The following MIB1 variants were observed in gnomAD, a reference collection of about 807,000 sequenced individuals.
MIB1 encodes MIB E3 ubiquitin protein ligase 1.
A neutral mutation model predicts 124.5 loss-of-function variants in MIB1; 278 were observed. The ratio of observed to expected loss-of-function variants is 2.23; its 90% CI spans 2.02 to 2.47. The LOEUF is 2.47. MIB1 is among the 30% of genes most tolerant of loss of function. The pLI, the probability that MIB1 is intolerant of heterozygous loss-of-function variation, is 0.00. For synonymous variants in MIB1, 446 were observed against 429.4 expected (o/e 1.04, Z -0.48); for missense variants, 957 against 1,254.4 (o/e 0.76, Z 3.58).
chr18:21,732,490 G>A lies in MIB1; in HGVS notation n.167+27367G>A, dbSNP rs185326473. ...AGGCTTACTGCAACCTCCATCTCCT[G>A]GGCTTAAATGATCCTTCCACCTCAG... On this transcript the variant is annotated intron_variant and non_coding_transcript_variant, in intron 1 of 20. Transcript: ENST00000578646. Among the ~76,000 whole-genome samples the A allele has an allele frequency of 5.2e-4, 79 of 151,872 alleles. No individual in the cohort carries two copies. The Middle Eastern group carries it at 0.014, about 26-fold the overall frequency.
chr18:21,741,874 G>A lies in MIB1; in HGVS notation c.229+62G>A. 7.0e-7 allele frequency: 1 copy of A among 1,429,906 alleles called. No homozygotes were observed. Among genetic ancestry groups the A allele is most frequent in the Non-Finnish European group, 9.4e-7 (1 of 1,065,286 alleles). 88.6% of individuals were successfully genotyped at this position (1,429,906 alleles called of 1,614,324 possible). A position where few individuals can be genotyped will look rare whatever the true frequency, so the allele number is the denominator to read the frequency against. On this transcript the variant is annotated intron_variant, in intron 1 of 20. Transcript: ENST00000261537. The surrounding 1 kb of genome is among the most constrained non-coding windows in gnomAD (Gnocchi z 5.4). The stretch of plus-strand genomic sequence containing the variant: ...GGGGGGAAGGGGCGAGCTGCGGTGG[G>A]CGTCGGTGTCGCGGGGAGAGGTCTG...
rs1598649735 is a variant in MIB1 at position 21,865,269 on chromosome 18, CTT to C, written c.*605_*606del. ...GAAGCATAGAATGAGGGAATAATGA[CTT>C]TGCATTTCTCTTGTTTTCTAGATTC... On this transcript the variant is annotated 3_prime_UTR_variant, in exon 21 of 21. Coordinates refer to ENST00000261537, the MANE Select transcript of MIB1 (RefSeq NM_020774.4). 3.3e-5 allele frequency: 5 copies of C among 152,178 alleles called. No individual in the cohort carries two copies. The highest frequency in any genetic ancestry group is 4.8e-5 in the African/African-American group (2 of 41,542). 9.4% of individuals were successfully genotyped at this position (152,178 alleles called of 1,614,324 possible). A position where few individuals can be genotyped will look rare whatever the true frequency, so the allele number is the denominator to read the frequency against.
chr18:21,811,402 G>A (rs2041771836), intron 10 of MIB1, among the ~76,000 whole-genome samples: 1 of 152,202 alleles, frequency 6.6e-6, no homozygotes, highest in Admixed American at 6.5e-5. Flanking sequence ...AAGTCTTGAG[G>A]AGGTATTTGT....
In MIB1 at chr18:21,853,149, T is replaced by C; in HGVS notation, c.2596T>C (p.Cys866Arg). The change falls in exon 18 of 21, where the codon TGT becomes CGT. Residue 866 changes from cysteine to arginine, a missense_variant. By Grantham distance (180) the Cys-to-Arg change is radical. Transcript: ENST00000261537. The stretch of plus-strand genomic sequence containing the variant: ...ACCTCTTTTTCTATAGATTGAAGAA[T>C]GTGTGGTATGCTCTGACAAGAAAGC... Reference protein sequence around the residue: ...QVQSRTKIEECVVCSDKKAAV... With the variant: ...QVQSRTKIEERVVCSDKKAAV... The C allele has an allele frequency of 6.2e-7, 1 of 1,612,116 alleles. No individual in the cohort carries two copies. The highest frequency in any genetic ancestry group is 8.5e-7 in the Non-Finnish European group (1 of 1,178,340).
chr18:21,835,388 A>G (rs1358905424), intron 12 of MIB1, among the ~76,000 whole-genome samples: 1 of 152,152 alleles, frequency 6.6e-6, no homozygotes, highest in Non-Finnish European at 1.5e-5. Context: ...ATGTGGACAT[A>G]AGAAGAGAGG....
chr18:21,780,148 A>T (rs2041342135), intron 6 of MIB1, among the ~76,000 whole-genome samples: 1 of 152,152 alleles, frequency 6.6e-6, no homozygotes, highest in African/African-American at 2.4e-5. Context: ...ATTTTGGGAT[A>T]CATGTGATAT....
intron 10 of MIB1, 105 bp downstream of exon 10, chr18:21,804,119 T>C (rs1469411398): frequency 2.5e-6 from 2 of 800,652 alleles, no homozygotes; most frequent in Non-Finnish European, 4.0e-6. Context: ...AGTATCCAAC[T>C]AAGGCTTTTC....
At chr18:21,848,680 A>G (rs2042155749) in intron 16 of MIB1, among the ~76,000 whole-genome samples, 1 of 152,122 alleles carries the variant, frequency 6.6e-6, no homozygotes, top group South Asian at 2.1e-4. Context: ...TCTTTCTGTA[A>G]TATAATTTTA....
At chr18:21,738,377 C>T (rs909933971), upstream of MIB1, among the ~76,000 whole-genome samples, 5 of 152,070 alleles carry the variant, frequency 3.3e-5, no homozygotes, top group Admixed American at 2.0e-4. Flanking sequence ...TTCTTTGAAA[C>T]CAGTGAGAAC....
chr18:21,836,657 A>G (rs1213204013), intron 12 of MIB1, among the ~76,000 whole-genome samples: 1 of 152,212 alleles, frequency 6.6e-6, no homozygotes, highest in Non-Finnish European at 1.5e-5. Flanking sequence ...TTTTGTTTAA[A>G]TTAATGACAA....
At chr18:21,849,434 A>C in intron 17 of MIB1, 46 bp downstream of exon 17, 1 of 1,142,322 alleles carries the variant, frequency 8.8e-7, no homozygotes, top group Non-Finnish European at 1.2e-6. Flanking sequence ...TGAAGTTGAG[A>C]CTAGAATTAA....
intron 1 of MIB1, among the ~76,000 whole-genome samples, chr18:21,753,269 A>G (rs1019714047): frequency 1.3e-5 from 2 of 152,098 alleles, no homozygotes; most frequent in East Asian, 1.9e-4. Flanking sequence ...GCTCACTGCA[A>G]CCTTGGCTTC....
rs2041193212 is a variant in MIB1 at position 21,768,740 on chromosome 18, A to G, written c.519A>G (p.Gly173=). The G allele has an allele frequency of 1.2e-6, 2 of 1,610,566 alleles. No homozygotes were observed. Among genetic ancestry groups the G allele is most frequent in the African/African-American group, 1.3e-5 (1 of 74,962 alleles). Reference sequence around the variant, plus strand: ...GGGAAGATCAAGATGGAGGAAATGGACGTAGGGGAAAGGTACAGTGTTTCT... The same window carrying G: ...GGGAAGATCAAGATGGAGGAAATGGGCGTAGGGGAAAGGTACAGTGTTTCT... The part of the protein sequence containing the change: ...WQWEDQDGGN[G]RRGKVTEIQD... Residue 173 remains glycine, a synonymous_variant, in exon 3 of 21, where the codon GGA becomes GGG. Coordinates refer to ENST00000261537, the MANE Select transcript of MIB1 (RefSeq NM_020774.4).
chr18:21,834,593 C>T (rs1013725544), intron 12 of MIB1, among the ~76,000 whole-genome samples: 1 of 152,184 alleles, frequency 6.6e-6, no homozygotes, highest in African/African-American at 2.4e-5. Context: ...TTAAATGACA[C>T]TTTATCTCTG....
intron 6 of MIB1, among the ~76,000 whole-genome samples, chr18:21,786,428 TG>T (rs1285992397): frequency 6.6e-6 from 1 of 152,222 alleles, no homozygotes; most frequent in Non-Finnish European, 1.5e-5. Context: ...TTAATTTGTT[TG>T]GTGATTTCTG....
intron 10 of MIB1, chr18:21,812,317 G>A (rs1035251226): frequency 6.6e-6 from 1 of 152,218 alleles, no homozygotes; most frequent in Non-Finnish European, 1.5e-5. Context: ...ACAGACGTAG[G>A]TCTCTAAAGA....
chr18:21,759,261 G>A (rs998912662), intron 1 of MIB1, among the ~76,000 whole-genome samples: 1 of 150,454 alleles, frequency 6.6e-6, no homozygotes, highest in Non-Finnish European at 1.5e-5. Flanking sequence ...ATATTTTTTT[G>A]AGACGGAGTT....
At position 21,798,135 on chromosome 18, in the gene MIB1, A is replaced by T; in HGVS notation, c.1144A>T (p.Lys382Ter). The change falls in exon 8 of 21, where the codon AAG becomes TAG. Residue 382 changes from lysine (K) to a stop codon, truncating the protein, a stop_gained. Transcript: ENST00000261537. LOFTEE classifies it high-confidence loss of function. ...VQQIYSDSDL[K>*]VEVCGTSWTY... Reference sequence around the variant, plus strand: ...ACAGATTTATTCAGACAGTGATTTAAAGGTGGAAGTTTGTGGAACATCTTG... The same window carrying T: ...ACAGATTTATTCAGACAGTGATTTATAGGTGGAAGTTTGTGGAACATCTTG... 1.9e-6 allele frequency: 3 copies of T among 1,613,378 alleles called. No individual in the cohort carries two copies. Among genetic ancestry groups the T allele is most frequent in the Non-Finnish European group, 2.5e-6 (3 of 1,179,478 alleles).
intron 1 of MIB1, among the ~76,000 whole-genome samples, chr18:21,722,678 T>C (rs1414729258): frequency 2.0e-5 from 3 of 152,108 alleles, no homozygotes; most frequent in Non-Finnish European, 4.4e-5. Flanking sequence ...TCTTTCCTTG[T>C]TTTTATGACC....
Sources: allele counts gnomAD v4.1 joint callset (sites outside exome capture counted in the v4.1 genomes callset), GRCh38; gene constraint gnomAD v4.1.1; non-coding constraint Gnocchi (gnomAD v3.1); transcripts MANE v1.5; gene names NCBI Gene and HGNC (gene_info 2026-07-23, HGNC 2026-07-21).